The following EIF4B variants were observed in gnomAD, a reference collection of about 807,000 sequenced individuals.
EIF4B encodes eukaryotic translation initiation factor 4B.
A neutral mutation model predicts 79.3 loss-of-function variants in EIF4B; 8 were observed. The observed-to-expected ratio is 0.10, with a 90% CI of 0.06 to 0.18. The LOEUF (loss-of-function observed/expected upper bound fraction) is 0.18, where lower values mean the gene tolerates loss of function less well. Ranked by LOEUF, EIF4B falls within the 10% of genes least tolerant of loss-of-function variation. The pLI is 1.00. For missense variants in EIF4B, 515 were observed against 792.4 expected (o/e 0.65, Z 4.20); for synonymous variants, 238 against 274.7 (o/e 0.87, Z 1.32).
At position 53,027,873 on chromosome 12, in the gene EIF4B, T is replaced by C. The variant is rs761757028; in HGVS notation, c.759T>C (p.Gly253=). 1 of 1,614,234 alleles carries C rather than the reference T, an allele frequency of 6.2e-7. No individual in the cohort carries two copies. Among genetic ancestry groups the C allele is most frequent in the Non-Finnish European group, 8.5e-7 (1 of 1,180,038 alleles). ...CACGCCGGGATATGGATCGATATGG[T>C]GGCCGGGATCGCTATGATGACCGAG... is the stretch of plus-strand genomic sequence containing the variant. ...DGPRRDMDRY[G]GRDRYDDRGS... is the part of the protein sequence containing the mutation. The change falls in exon 7 of 15, where the codon GGT becomes GGC. Residue 253 remains glycine (G), a synonymous_variant. Coordinates refer to ENST00000262056, the MANE Select transcript of EIF4B (RefSeq NM_001417.7).
rs370396462 is a variant in EIF4B at position 53,041,134 on chromosome 12, C to G, written c.*911C>G. ...TAAAAATTTAGACTCTTATCATCAT[C>G]TTAAGTTCTTCATGCTACTCTTAAC... On this transcript the variant is annotated 3_prime_UTR_variant, in exon 15 of 15. Coordinates refer to ENST00000262056, the MANE Select transcript of EIF4B (RefSeq NM_001417.7). 1 of 152,186 alleles carries G rather than the reference C, an allele frequency of 6.6e-6. No homozygotes were observed. The allele number at this position is 152,186 out of a possible 1,614,324, so 9.4% of individuals were successfully genotyped here. A position where few individuals can be genotyped will look rare whatever the true frequency, so the allele number is the denominator to read the frequency against.
chr12:53,014,008 T>A (rs1357366225), intron 1 of EIF4B: 3 of 151,708 alleles, frequency 2.0e-5, no homozygotes, highest in Non-Finnish European at 4.4e-5. Context: ...CAAAAAATTT[T>A]AAAATTAGCT....
chr12:53,012,894 C>T (rs1260931743), intron 1 of EIF4B, among the ~76,000 whole-genome samples: 1 of 152,144 alleles, frequency 6.6e-6, no homozygotes, highest in Non-Finnish European at 1.5e-5. Context: ...GCGTGAGCCA[C>T]CACACCCAAC....
chr12:53,006,913 T>C lies in EIF4B; in HGVS notation c.13+417T>C, dbSNP rs569681645. Among the ~76,000 whole-genome samples the C allele has an allele frequency of 8.5e-4, 113 of 132,318 alleles. 1 individual carries two copies. Among genetic ancestry groups the C allele is most frequent in the Admixed American group, 2.2e-3 (27 of 12,070 alleles). 86.8% of individuals were successfully genotyped at this position (132,318 alleles called of 152,430 possible). On this transcript the variant is annotated intron_variant, in intron 1 of 14. Transcript: ENST00000262056. ...AGACTACGTCTCCAAGGCGCGAGGC[T>C]GTAGCGGACCGGAGTGGGGGGTAGG...
chr12:53,019,099 A>T (rs1943194746), intron 3 of EIF4B, 93 bp downstream of exon 3: 1 of 1,419,322 alleles, frequency 7.0e-7, no homozygotes, highest in Admixed American at 2.0e-5. Context: ...TGAAAAAACA[A>T]CTAGAAATAT....
intron 12 of EIF4B, chr12:53,039,034 T>A (rs1344087485): frequency 1.7e-5 from 8 of 477,918 alleles, no homozygotes; most frequent in Non-Finnish European, 2.2e-5. Flanking sequence ...TGGAACTTTT[T>A]AGTGGATTTT....
intron 1 of EIF4B, among the ~76,000 whole-genome samples, chr12:53,008,983 C>T (rs540339846): frequency 6.6e-6 from 1 of 151,980 alleles, no homozygotes; most frequent in African/African-American, 2.4e-5. Context: ...TGCAGTGAAC[C>T]GAGATTGTGC....
intron 6 of EIF4B, among the ~76,000 whole-genome samples, chr12:53,026,714 AC>A (rs765069135): frequency 3.3e-5 from 5 of 151,876 alleles, no homozygotes; most frequent in Non-Finnish European, 7.4e-5. Context: ...TGATCCTTCC[AC>A]CTCATCCTCC....
chr12:53,010,761 TG>T (rs1943050983), intron 1 of EIF4B, among the ~76,000 whole-genome samples: 1 of 151,946 alleles, frequency 6.6e-6, no homozygotes, highest in Admixed American at 6.6e-5. Flanking sequence ...GTTCTAGAGA[TG>T]GAGTTTCACC....
chr12:53,017,387 GGAGT>G (rs1943165554), intron 2 of EIF4B, among the ~76,000 whole-genome samples: 1 of 152,132 alleles, frequency 6.6e-6, no homozygotes, highest in Non-Finnish European at 1.5e-5. Flanking sequence ...CTGAGGAAAA[GGAGT>G]GAGAACAGTA....
Position 53,014,443 on chromosome 12 carries a change from C to T in EIF4B, c.14-2030C>T, listed in dbSNP as rs988665189. 2.7e-4 allele frequency among the ~76,000 whole-genome samples: 40 copies of T among 150,468 alleles called. 1 individual carries two copies. Among genetic ancestry groups the T allele is most frequent in the Non-Finnish European group, 4.7e-4 (32 of 67,728 alleles). On this transcript the variant is annotated intron_variant, in intron 1 of 14. Transcript: ENST00000262056. Reference sequence around the variant, plus strand: ...AAAAAAAAAAAGCGTAGGATGGATTCAAAATGTGATCTGGTTGATCATAAA... The same window carrying T: ...AAAAAAAAAAAGCGTAGGATGGATTTAAAATGTGATCTGGTTGATCATAAA...
At chr12:53,031,570 C>T (rs1218763452) in intron 8 of EIF4B, among the ~76,000 whole-genome samples, 1 of 152,244 alleles carries the variant, frequency 6.6e-6, no homozygotes, top group Non-Finnish European at 1.5e-5. Flanking sequence ...AGCCACTGTG[C>T]CCGGCTGCGT....
chr12:53,032,675 T>TG (rs1330739106), intron 8 of EIF4B, among the ~76,000 whole-genome samples: 5 of 151,450 alleles, frequency 3.3e-5, no homozygotes, highest in African/African-American at 2.4e-5. Context: ...TTTTGTTTTT[T>TG]TTTTTTTTTG....
intron 2 of EIF4B, 104 bp from the exon 3 acceptor site, chr12:53,018,694 T>C: frequency 7.4e-7 from 1 of 1,356,176 alleles, no homozygotes. Context: ...CTGGTTTTCT[T>C]GTATAGCATG....
At chr12:53,025,126 A>G in intron 6 of EIF4B, 1 of 432,268 alleles carries the variant, frequency 2.3e-6, no homozygotes, top group Non-Finnish European at 4.6e-6. Context: ...GCAAGTTTAT[A>G]TCTGACTTTT....
At chr12:53,015,066 C>T (rs1388404484) in intron 1 of EIF4B, 1 of 152,130 alleles carries the variant, frequency 6.6e-6, no homozygotes, top group Non-Finnish European at 1.5e-5. Context: ...CGTGTGTTTT[C>T]CTTTTAGCAT....
rs143498579 is a variant in EIF4B at position 53,015,244 on chromosome 12, C to G, written c.14-1229C>G. Reference sequence around the variant, plus strand: ...ATAAGCTGCTGAGATGCAAGGATACCTTGGTATATAGAAAGAGCCTTAGAC... The same window carrying G: ...ATAAGCTGCTGAGATGCAAGGATACGTTGGTATATAGAAAGAGCCTTAGAC... On this transcript the variant is annotated intron_variant, in intron 1 of 14. Transcript: ENST00000262056. Among the ~76,000 whole-genome samples, 350 of 152,218 alleles carry G rather than the reference C, an allele frequency of 2.3e-3. 1 individual carries two copies. Among genetic ancestry groups the G allele is most frequent in the African/African-American group, 7.3e-3 (304 of 41,550 alleles).
At chr12:53,022,315 A>G in intron 5 of EIF4B, 178 bp from the exon 6 acceptor site, 1 of 853,392 alleles carries the variant, frequency 1.2e-6, no homozygotes. Flanking sequence ...AAAAAACGGG[A>G]GGAAAAGAGC....
chr12:53,023,125 C>CA (rs1047670563), intron 6 of EIF4B, among the ~76,000 whole-genome samples: 142 of 143,662 alleles, frequency 9.9e-4, no homozygotes, highest in South Asian at 2.0e-3. Flanking sequence ...GACCCTGTCT[C>CA]AAAAAAAAAA....
Sources: gnomAD v4.1 joint callset for allele counts (sites outside exome capture counted in the v4.1 genomes callset) on GRCh38, gnomAD v4.1.1 for gene constraint, MANE v1.5 for transcripts, NCBI Gene and HGNC (gene_info 2026-07-23, HGNC 2026-07-21) for gene names.